Variants in DDIAS observed in about 807,000 individuals in gnomAD.
DDIAS encodes DNA damage induced apoptosis suppressor, also known as DNA damage-induced apoptosis suppressor protein.
DDIAS carries 14 observed loss-of-function variants against 15.7 expected under a neutral mutation model. The ratio of observed to expected loss-of-function variants is 0.89; its 90% confidence interval spans 0.59 to 1.39. The LOEUF (loss-of-function observed/expected upper bound fraction) is 1.39. Among genes scored for constraint, DDIAS ranks in the 40% most tolerant of loss-of-function variants. The pLI is 0.00. For synonymous variants in DDIAS, 355 were observed against 395.9 expected, an observed-to-expected ratio of 0.90 and a Z score of 1.23; for missense variants, 1,035 against 1,130.9, an observed-to-expected ratio of 0.92 and a Z score of 1.22.
In DDIAS at chr11:82,933,698, G is replaced by A. The variant is rs375795516; in HGVS notation, c.2360G>A (p.Gly787Glu). The change falls in exon 6 of 6, where the codon GGG becomes GAG. Residue 787 changes from glycine to glutamate, a missense_variant. Physicochemically the swap from Gly to Glu is moderately conservative, Grantham distance 98. Coordinates refer to ENST00000533655, the MANE Select transcript of DDIAS (RefSeq NM_145018.4). ...ISGFHQTRIH[G>E]INRAFKKPVF... ...GGGTTCCACCAAACAAGAATTCATG[G>A]GATAAACAGAGCTTTCAAAAAACCT... The A allele has an allele frequency of 3.7e-6, 6 of 1,613,830 alleles. No homozygotes were observed. The highest frequency in any genetic ancestry group is 3.4e-6 in the Non-Finnish European group (4 of 1,179,970).
chr11:82,904,906 T>C (rs1860394763), intron 1 of DDIAS, among the ~76,000 whole-genome samples: 2 of 152,260 alleles, frequency 1.3e-5, no homozygotes, highest in African/African-American at 2.4e-5. Context: ...ACTTTCTGTT[T>C]ATAATTTTAG....
At chr11:82,919,488 G>C (rs1023674045) in intron 3 of DDIAS, among the ~76,000 whole-genome samples, 1 of 152,176 alleles carries the variant, frequency 6.6e-6, no homozygotes, top group African/African-American at 2.4e-5. Context: ...TATGTTGTTG[G>C]ATTCAGTTAG....
intron 3 of DDIAS, among the ~76,000 whole-genome samples, chr11:82,922,259 T>G (rs1860770445): frequency 6.6e-6 from 1 of 152,224 alleles, no homozygotes; most frequent in Admixed American, 6.5e-5. Context: ...CCTAGGTCTC[T>G]AGCAAGGCCG....
At chr11:82,908,221 G>T (rs1263336791) in intron 1 of DDIAS, among the ~76,000 whole-genome samples, 2 of 152,192 alleles carry the variant, frequency 1.3e-5, no homozygotes, top group African/African-American at 4.8e-5. Flanking sequence ...AAGGGAAATC[G>T]TTTGGTGTGC....
At chr11:82,918,861 T>C (rs1860686080) in intron 3 of DDIAS, among the ~76,000 whole-genome samples, 1 of 152,164 alleles carries the variant, frequency 6.6e-6, no homozygotes, top group Non-Finnish European at 1.5e-5. Context: ...GTAGCTGTTG[T>C]AAAAGGAGTT....
chr11:82,918,826 G>GT (rs1860685087), intron 3 of DDIAS, among the ~76,000 whole-genome samples: 1 of 150,706 alleles, frequency 6.6e-6, no homozygotes, highest in South Asian at 2.1e-4. Context: ...TTTTTTGTGT[G>GT]GTTTTTTTTT....
intron 3 of DDIAS, among the ~76,000 whole-genome samples, chr11:82,919,358 T>A (rs1860698050): frequency 6.6e-6 from 1 of 152,254 alleles, no homozygotes; most frequent in South Asian, 2.1e-4. Flanking sequence ...GATGATCATG[T>A]GATTTTTGGT....
chr11:82,930,232 T>G lies in DDIAS; in HGVS notation c.351T>G (p.Val117=). The stretch of plus-strand genomic sequence containing the variant: ...CTCAGAATCTATTAACTAAAGCAGT[T>G]GAAACTTGCTTTGTTGGACAAAGCT... The part of the protein sequence containing the change: ...DTTQNLLTKA[V]ETCFVGQSFI... The change falls in exon 5 of 6, where the codon GTT becomes GTG. Residue 117 remains valine, a synonymous_variant. Transcript: ENST00000533655. 1 of 1,602,560 alleles carries G rather than the reference T, an allele frequency of 6.2e-7. No homozygotes were observed. Among genetic ancestry groups the G allele is most frequent in the Non-Finnish European group, 8.5e-7 (1 of 1,173,218 alleles).
intron 3 of DDIAS, among the ~76,000 whole-genome samples, chr11:82,919,807 C>T (rs1350758076): frequency 1.3e-5 from 2 of 152,180 alleles, no homozygotes; most frequent in African/African-American, 2.4e-5. Context: ...TCTCAGCGCA[C>T]TGCAAGCTCT....
At chr11:82,925,595 C>G (rs980663744) in intron 3 of DDIAS, among the ~76,000 whole-genome samples, 1 of 152,054 alleles carries the variant, frequency 6.6e-6, no homozygotes, top group Non-Finnish European at 1.5e-5. Flanking sequence ...GAGACCCTGT[C>G]TGAAAACAAA....
Position 82,932,073 on chromosome 11 carries a change from C to A in DDIAS, c.735C>A (p.Phe245Leu). 6.2e-7 allele frequency: 1 copy of A among 1,614,064 alleles called. No homozygotes were observed. Among genetic ancestry groups the A allele is most frequent in the Non-Finnish European group, 8.5e-7 (1 of 1,179,960 alleles). ...AATTCTGGCAGCCATCACTTGAATT[C>A]ACTTGCATTGTTTCACAACTAACAG... ...FSKFWQPSLE[F>L]TCIVSQLTDN... The change falls in exon 6 of 6, where the codon TTC (phenylalanine) becomes TTA (leucine). Residue 245 changes from phenylalanine to leucine, a missense_variant. By Grantham distance (22) the Phe-to-Leu change is conservative (BLOSUM62 0). Coordinates refer to ENST00000533655, the MANE Select transcript of DDIAS (RefSeq NM_145018.4).
chr11:82,932,755 C>A lies in DDIAS; in HGVS notation c.1417C>A (p.His473Asn). ...VTPQRTTGAL[H>N]TPPIALRSSQ... ...TCCCCAGAGAACTACTGGAGCCCTG[C>A]ATACACCACCTATAGCTTTAAGATC... is the stretch of plus-strand genomic sequence containing the variant. The change falls in exon 6 of 6, where the codon CAT (histidine) becomes AAT (asparagine). Residue 473 changes from histidine (H) to asparagine (N), a missense_variant. Transcript: ENST00000533655. 6.2e-7 allele frequency: 1 copy of A among 1,614,024 alleles called. No individual in the cohort carries two copies. Among genetic ancestry groups the A allele is most frequent in the Non-Finnish European group, 8.5e-7 (1 of 1,180,000 alleles).
chr11:82,924,936 C>G (rs1323522559), intron 3 of DDIAS, among the ~76,000 whole-genome samples: 1 of 152,094 alleles, frequency 6.6e-6, no homozygotes, highest in Non-Finnish European at 1.5e-5. Flanking sequence ...TTCAGAGGCT[C>G]CTTGAACTCA....
intron 1 of DDIAS, among the ~76,000 whole-genome samples, chr11:82,909,886 A>G (rs1447011158): frequency 1.3e-5 from 2 of 152,286 alleles, no homozygotes; most frequent in African/African-American, 4.8e-5. Context: ...TTTATCTTTC[A>G]TCTGTAAATT....
rs1402285254 is a variant in DDIAS, at chr11:82,932,410, A to G, written c.1072A>G (p.Ser358Gly). 2.5e-6 allele frequency: 4 copies of G among 1,614,076 alleles called. No individual in the cohort carries two copies. Among genetic ancestry groups the G allele is most frequent in the East Asian group, 2.2e-5 (1 of 44,890 alleles). The change falls in exon 6 of 6, where the codon AGT becomes GGT. Residue 358 changes from serine (S) to glycine (G), a missense_variant. Physicochemically the swap from Ser to Gly is moderately conservative, Grantham distance 56. Coordinates refer to ENST00000533655, the MANE Select transcript of DDIAS (RefSeq NM_145018.4). ...GTCAAGTAATACAAAATCCTTCCAC[A>G]GTGCAGTGGAAATTAAAAATAGGTC... ...LESSNTKSFHSAVEIKNRSQH... is the reference protein window; with the variant it reads ...LESSNTKSFHGAVEIKNRSQH...
At chr11:82,906,400 CA>C (rs1244941317) in intron 1 of DDIAS, among the ~76,000 whole-genome samples, 2 of 152,070 alleles carry the variant, frequency 1.3e-5, no homozygotes, top group Non-Finnish European at 2.9e-5. Flanking sequence ...ACAATGTAAC[CA>C]ACCTTCCTTT....
intron 3 of DDIAS, among the ~76,000 whole-genome samples, chr11:82,925,727 A>C (rs1029878449): frequency 6.6e-6 from 1 of 152,060 alleles, no homozygotes; most frequent in African/African-American, 2.4e-5. Context: ...GGTGGCTCAC[A>C]CCTGTAATCC....
chr11:82,911,036 A>C (rs1360002736), intron 1 of DDIAS, among the ~76,000 whole-genome samples: 1 of 152,224 alleles, frequency 6.6e-6, no homozygotes, highest in African/African-American at 2.4e-5. Context: ...TGTCTAAAAA[A>C]TACATCTTAA....
chr11:82,931,882 CAT>C lies in DDIAS; in HGVS notation c.545_546del (p.His182ProfsTer7). On this transcript the variant is annotated frameshift_variant, in exon 6 of 6. Transcript: ENST00000533655. LOFTEE classifies it low-confidence loss of function (END_TRUNC). ...AGGCTTTACTGTCATTGACTACTTC[CAT>C]CAACTTTTGCAGACTTTTAATTTCA... ...IAGFTVIDYF[H>X]QLLQTFNFRK... 6.2e-7 allele frequency: 1 copy of C among 1,614,214 alleles called. No individual in the cohort carries two copies. The highest frequency in any genetic ancestry group is 8.5e-7 in the Non-Finnish European group (1 of 1,180,044).
Sources: gnomAD v4.1 joint callset for allele counts (sites outside exome capture counted in the v4.1 genomes callset) on GRCh38, gnomAD v4.1.1 for gene constraint, MANE v1.5 for transcripts, NCBI Gene and HGNC (gene_info 2026-07-23, HGNC 2026-07-21) for gene names.